The following HNF4G variants were observed in gnomAD, a reference collection of about 807,000 sequenced individuals.
The protein encoded by HNF4G is hepatocyte nuclear factor 4-gamma.
In HNF4G, 21 loss-of-function variants were observed where a neutral mutation model predicts 50.9. The ratio of observed to expected loss-of-function variants is 0.41; its 90% CI spans 0.29 to 0.59. The LOEUF is 0.59. HNF4G is among the 20% of genes least tolerant of loss of function. The pLI, the probability that HNF4G is intolerant of heterozygous loss-of-function variation, is 0.26. For missense variants in HNF4G, 527 were observed against 559.4 expected (o/e 0.94, Z 0.58); for synonymous variants, 198 against 185.6 (o/e 1.07, Z -0.54).
At chr8:75,414,123 C>T (rs531841096) in intron 1 of HNF4G, among the ~76,000 whole-genome samples, 2 of 152,122 alleles carry the variant, frequency 1.3e-5, no homozygotes, top group Admixed American at 1.3e-4. Flanking sequence ...AGACAAAGAA[C>T]ATTTCTGCAC....
intron 1 of HNF4G, among the ~76,000 whole-genome samples, chr8:75,427,595 T>A (rs886567266): frequency 6.6e-6 from 1 of 151,398 alleles, no homozygotes; most frequent in Non-Finnish European, 1.5e-5. Flanking sequence ...ATAAAATAAA[T>A]AAAATAAAAT....
At chr8:75,419,458 T>C (rs886304097) in intron 1 of HNF4G, among the ~76,000 whole-genome samples, 2 of 152,230 alleles carry the variant, frequency 1.3e-5, no homozygotes, top group African/African-American at 2.4e-5. Context: ...GCACCCTTCA[T>C]GCTGAGCAAA....
intron 1 of HNF4G, among the ~76,000 whole-genome samples, chr8:75,474,271 T>A (rs1812189101): frequency 6.6e-6 from 1 of 152,244 alleles, no homozygotes; most frequent in Admixed American, 6.5e-5. Flanking sequence ...ATCAACAATG[T>A]GGCATTAGCC....
intron 1 of HNF4G, among the ~76,000 whole-genome samples, chr8:75,443,754 A>T (rs1211333529): frequency 1.3e-5 from 2 of 152,130 alleles, no homozygotes; most frequent in Admixed American, 1.3e-4. Flanking sequence ...CTTCTATGTC[A>T]ATCTTTTTTG....
chr8:75,563,293 A>G (rs1807367124), intron 9 of HNF4G, among the ~76,000 whole-genome samples: 1 of 152,160 alleles, frequency 6.6e-6, no homozygotes, highest in African/African-American at 2.4e-5. Flanking sequence ...CTAGACAATG[A>G]AGTTTTGAAA....
At chr8:75,474,535 A>G (rs139206977) in intron 1 of HNF4G, among the ~76,000 whole-genome samples, 2 of 152,292 alleles carry the variant, frequency 1.3e-5, no homozygotes, top group African/African-American at 4.8e-5. Context: ...TGATGAAAAA[A>G]GTTGAGAAAG....
intron 2 of HNF4G, among the ~76,000 whole-genome samples, chr8:75,529,302 C>G (rs1019783009): frequency 2.0e-5 from 3 of 150,840 alleles, no homozygotes; most frequent in African/African-American, 7.3e-5. Flanking sequence ...AAAAAAAAAA[C>G]CTCAGATCTC....
rs80107925 is a variant in HNF4G, at chr8:75,516,336, T to C, written c.-24+26128T>C. 7.4e-3 allele frequency among the ~76,000 whole-genome samples: 1,128 copies of C among 152,340 alleles called. 15 individuals are homozygous for C. Among genetic ancestry groups the C allele is most frequent in the African/African-American group, 0.026 (1,068 of 41,572 alleles). On this transcript the variant is annotated intron_variant, in intron 2 of 10. Coordinates refer to the HNF4G transcript ENST00000354370. ...TCCTCTTTTACCTACGGGTTATTTC[T>C]TGTTGTTGTTGATTTAATATCCCAA...
intron 1 of HNF4G, among the ~76,000 whole-genome samples, chr8:75,487,868 A>G (rs1812531459): frequency 6.6e-6 from 1 of 152,156 alleles, no homozygotes; most frequent in Admixed American, 6.5e-5. Flanking sequence ...GCCTCAGGAA[A>G]CTCACAATCA....
chr8:75,483,259 T>C (rs1278672563), intron 1 of HNF4G, among the ~76,000 whole-genome samples: 1 of 152,096 alleles, frequency 6.6e-6, no homozygotes, highest in Non-Finnish European at 1.5e-5. Context: ...ACTTAATTTT[T>C]TTTTTAAATT....
At chr8:75,496,428 A>G (rs1812766066) in intron 2 of HNF4G, among the ~76,000 whole-genome samples, 1 of 151,210 alleles carries the variant, frequency 6.6e-6, no homozygotes, top group African/African-American at 2.4e-5. Context: ...CTTTTTGTTT[A>G]TTTTTCCTGA....
intron 1 of HNF4G, among the ~76,000 whole-genome samples, chr8:75,480,717 C>CTT (rs748221253): frequency 0.027 from 3,330 of 123,652 alleles, 90 homozygotes; most frequent in African/African-American, 0.062. Flanking sequence ...TTTTCTTTTT[C>CTT]TTTCTTTTTT....
At chr8:75,457,849 A>T (rs553837642) in intron 1 of HNF4G, among the ~76,000 whole-genome samples, 1 of 152,136 alleles carries the variant, frequency 6.6e-6, no homozygotes, top group South Asian at 2.1e-4. Context: ...TACATATAAT[A>T]TTATGTGTGC....
At chr8:75,461,835 A>G (rs1811853452) in intron 1 of HNF4G, among the ~76,000 whole-genome samples, 2 of 150,250 alleles carry the variant, frequency 1.3e-5, no homozygotes, top group Admixed American at 1.3e-4. Context: ...CAATCACAAC[A>G]ATATACTGTA....
chr8:75,479,645 T>C (rs1812326084), intron 1 of HNF4G, among the ~76,000 whole-genome samples: 1 of 151,964 alleles, frequency 6.6e-6, no homozygotes, highest in Non-Finnish European at 1.5e-5. Flanking sequence ...TGCCTACATA[T>C]TTGTTGAACA....
chr8:75,517,926 A>G (rs1420697194), intron 2 of HNF4G, among the ~76,000 whole-genome samples: 1 of 151,746 alleles, frequency 6.6e-6, no homozygotes, highest in Admixed American at 6.6e-5. Context: ...CTGCCTGGAC[A>G]TCCAGGCATT....
intron 9 of HNF4G, among the ~76,000 whole-genome samples, chr8:75,563,414 T>C (rs1004399983): frequency 7.7e-6 from 1 of 130,652 alleles, no homozygotes; most frequent in African/African-American, 3.1e-5. Context: ...TCGATTGTAA[T>C]AGAATAATTT....
At chr8:75,510,956 T>A (rs1317586605) in intron 2 of HNF4G, among the ~76,000 whole-genome samples, 2 of 152,176 alleles carry the variant, frequency 1.3e-5, no homozygotes, top group Non-Finnish European at 2.9e-5. Context: ...GTTAGCACTT[T>A]ATCTTTTTAT....
chr8:75,478,816 C>T (rs185301651), intron 1 of HNF4G, among the ~76,000 whole-genome samples: 23 of 152,224 alleles, frequency 1.5e-4, no homozygotes, highest in Admixed American at 3.9e-4. Context: ...TTCCGCCTCC[C>T]GAGTTCAAGC....
Sources: gnomAD v4.1 joint callset for allele counts (sites outside exome capture counted in the v4.1 genomes callset) on GRCh38, gnomAD v4.1.1 for gene constraint, MANE v1.5 for transcripts, NCBI Gene and HGNC (gene_info 2026-07-23, HGNC 2026-07-21) for gene names.